Variants in HADHB observed in about 807,000 individuals in gnomAD.
The protein encoded by HADHB is trifunctional enzyme subunit beta, mitochondrial.
In HADHB, 50 loss-of-function variants were observed where a neutral mutation model predicts 61.9. The observed-to-expected ratio is 0.81, with a 90% confidence interval of 0.64 to 1.02. The LOEUF is 1.02. Ranked by LOEUF, HADHB falls within the 50% of genes least tolerant of loss-of-function variation. HADHB has a pLI of 0.00. For synonymous variants in HADHB, 191 were observed against 201.6 expected, an observed-to-expected ratio of 0.95 and a Z score of 0.45; for missense variants, 504 against 586.5, an observed-to-expected ratio of 0.86 and a Z score of 1.45.
At chr2:26,281,672 A>G (rs1162903941) in intron 10 of HADHB, among the ~76,000 whole-genome samples, 2 of 152,230 alleles carry the variant, frequency 1.3e-5, no homozygotes, top group African/African-American at 4.8e-5. Context: ...AGTGCCCCAC[A>G]TTCATTGCAA....
chr2:26,261,155 G>C, intron 3 of HADHB: 1 of 683,452 alleles, frequency 1.5e-6, no homozygotes, highest in Non-Finnish European at 2.6e-6. Context: ...CTGTAAGCAG[G>C]GCAACTCCCT....
At chr2:26,270,711 A>G (rs1455420008) in intron 5 of HADHB, among the ~76,000 whole-genome samples, 2 of 152,100 alleles carry the variant, frequency 1.3e-5, no homozygotes, top group Non-Finnish European at 2.9e-5. Flanking sequence ...TTCTCTTAAT[A>G]ATGGTTTTAT....
Position 26,282,908 on chromosome 2 carries a change from C to T in HADHB, c.997C>T (p.Pro333Ser), listed in dbSNP as rs749277340. 6.2e-7 allele frequency: 1 copy of T among 1,611,668 alleles called. No homozygotes were observed. Among genetic ancestry groups the T allele is most frequent in the African/African-American group, 1.3e-5 (1 of 74,992 alleles). ...EEKALAMGYKPKAYLRDFMYV... is the reference protein window; with the variant it reads ...EEKALAMGYKSKAYLRDFMYV... ...AAAGGCTCTGGCCATGGGTTATAAGCCGAAGGCATATTTGAGGTAAAGTAA... is the reference window on the plus strand; with the variant it reads ...AAAGGCTCTGGCCATGGGTTATAAGTCGAAGGCATATTTGAGGTAAAGTAA... Residue 333 changes from proline (P) to serine (S), a missense_variant, in exon 11 of 16, where the codon CCG becomes TCG. By Grantham distance (74) the Pro-to-Ser change is moderately conservative. Coordinates refer to ENST00000317799, the MANE Select transcript of HADHB (RefSeq NM_000183.3).
At chr2:26,275,581 T>C (rs1348817386) in intron 6 of HADHB, among the ~76,000 whole-genome samples, 4 of 152,152 alleles carry the variant, frequency 2.6e-5, no homozygotes, top group Non-Finnish European at 5.9e-5. Context: ...TAAGTGCCCC[T>C]TTTACACTTG....
intron 1 of HADHB, among the ~76,000 whole-genome samples, chr2:26,245,799 A>G (rs1054538813): frequency 5.9e-5 from 9 of 152,176 alleles, no homozygotes; most frequent in African/African-American, 2.2e-4. Context: ...TGCTCTGGTC[A>G]CCTTCATACC....
intron 15 of HADHB, among the ~76,000 whole-genome samples, chr2:26,289,647 A>ATG (rs558004508): frequency 2.4e-4 from 37 of 152,304 alleles, no homozygotes; most frequent in African/African-American, 8.7e-4. Flanking sequence ...ATAAATATAT[A>ATG]TGTGTGTGTA....
At chr2:26,280,239 TA>T (rs1472015447) in intron 10 of HADHB, 124 bp downstream of exon 10, 5 of 844,320 alleles carry the variant, frequency 5.9e-6, no homozygotes, top group Non-Finnish European at 9.9e-6. Flanking sequence ...TTATTCATTT[TA>T]ATGTGAAAGT....
chr2:26,252,523 G>A (rs1342084042), intron 1 of HADHB, among the ~76,000 whole-genome samples: 1 of 152,060 alleles, frequency 6.6e-6, no homozygotes, highest in Non-Finnish European at 1.5e-5. Context: ...ATACTTCCAG[G>A]GGGATTTTAT....
At chr2:26,266,960 A>C (rs1383787801) in intron 4 of HADHB, among the ~76,000 whole-genome samples, 2 of 151,096 alleles carry the variant, frequency 1.3e-5, no homozygotes, top group Non-Finnish European at 2.9e-5. Context: ...TTTTCCCCAA[A>C]TAATTCTGTC....
intron 10 of HADHB, among the ~76,000 whole-genome samples, chr2:26,281,700 T>C (rs1672795832): frequency 6.6e-6 from 1 of 152,206 alleles, no homozygotes; most frequent in Non-Finnish European, 1.5e-5. Flanking sequence ...CAATGGCACA[T>C]TGAACCTGTT....
intron 3 of HADHB, among the ~76,000 whole-genome samples, chr2:26,255,493 C>T (rs570227316): frequency 5.6e-5 from 8 of 141,778 alleles, no homozygotes; most frequent in African/African-American, 2.1e-4. Context: ...AGCGAGACTC[C>T]GGCTCAAAAA....
Position 26,290,194 on chromosome 2 carries a change from T to G in HADHB, c.*241T>G, listed in dbSNP as rs886055867. ...AATCTCACATGAGATGTGTGGGTGG[T>G]TGTTTTTGGTCTCTGTTGTCACTAA... On this transcript the variant is annotated 3_prime_UTR_variant, in exon 16 of 16. Transcript: ENST00000317799. The G allele has an allele frequency of 3.6e-6, 2 of 556,780 alleles. No individual in the cohort carries two copies. The highest frequency in any genetic ancestry group is 3.1e-5 in the East Asian group (1 of 32,514). 34.5% of individuals were successfully genotyped at this position (556,780 alleles called of 1,614,324 possible).
intron 6 of HADHB, 58 bp downstream of exon 6, chr2:26,273,808 C>A: frequency 1.1e-6 from 1 of 888,068 alleles, no homozygotes; most frequent in East Asian, 2.4e-5. Flanking sequence ...CTTTGAATTT[C>A]AATTAATAGA....
At chr2:26,256,875 C>CA (rs1212912008) in intron 3 of HADHB, among the ~76,000 whole-genome samples, 2 of 152,066 alleles carry the variant, frequency 1.3e-5, no homozygotes, top group Non-Finnish European at 2.9e-5. Context: ...AGCCAGTGTG[C>CA]ACATGAAGCA....
intron 1 of HADHB, chr2:26,245,387 G>C (rs1326152801): frequency 2.0e-5 from 3 of 152,350 alleles, no homozygotes; most frequent in Non-Finnish European, 4.4e-5. Context: ...CGGCTATAGA[G>C]ATTGTGGACG....
chr2:26,279,963 A>G (rs1672715265), intron 9 of HADHB, 31 bp from the exon 10 acceptor site: 3 of 1,549,094 alleles, frequency 1.9e-6, no homozygotes, highest in Non-Finnish European at 2.7e-6. Context: ...TTGTGGTTCC[A>G]TAGAGTTAAA....
At chr2:26,258,472 G>A (rs748790286) in intron 3 of HADHB, among the ~76,000 whole-genome samples, 5 of 152,212 alleles carry the variant, frequency 3.3e-5, no homozygotes, top group Non-Finnish European at 7.3e-5. Flanking sequence ...AAACAATGGC[G>A]AGCCTCTAGC....
intron 1 of HADHB, among the ~76,000 whole-genome samples, chr2:26,252,649 C>T (rs1376748167): frequency 1.3e-5 from 2 of 152,182 alleles, no homozygotes; most frequent in Non-Finnish European, 2.9e-5. Context: ...AAAATGGTTC[C>T]GAATTGGTGC....
At chr2:26,251,262 A>T (rs1245917849) in intron 1 of HADHB, among the ~76,000 whole-genome samples, 1 of 151,924 alleles carries the variant, frequency 6.6e-6, no homozygotes, top group Non-Finnish European at 1.5e-5. Flanking sequence ...ATCATGGCTC[A>T]CTGCAGCCTC....
Sources: allele counts gnomAD v4.1 joint callset (sites outside exome capture counted in the v4.1 genomes callset), GRCh38; gene constraint gnomAD v4.1.1; transcripts MANE v1.5; gene names NCBI Gene and HGNC (gene_info 2026-07-23, HGNC 2026-07-21).